The following DOCK2 variants were observed in gnomAD, a reference collection of about 807,000 sequenced individuals.
DOCK2 encodes dedicator of cytokinesis protein 2.
A neutral mutation model predicts 248.9 loss-of-function variants in DOCK2; 87 were observed. The observed-to-expected ratio is 0.35, with a 90% CI of 0.29 to 0.42. The LOEUF (loss-of-function observed/expected upper bound fraction) is 0.42, where lower values mean the gene tolerates loss of function less well. Ranked by LOEUF, DOCK2 falls within the 10% of genes least tolerant of loss-of-function variation. The pLI is 1.00. For synonymous variants in DOCK2, 805 were observed against 821.6 expected (o/e 0.98, Z 0.35); for missense variants, 1,747 against 2,300.2 (o/e 0.76, Z 4.92).
intron 27 of DOCK2, chr5:169,881,217 A>G: frequency 1.5e-6 from 1 of 656,180 alleles, no homozygotes; most frequent in East Asian, 2.8e-5. Flanking sequence ...AAACAAAGCA[A>G]TCCCTGCCTT....
At chr5:169,800,944 C>CTTTTCTTT (rs1766930509) in intron 25 of DOCK2, among the ~76,000 whole-genome samples, 1 of 53,194 alleles carries the variant, frequency 1.9e-5, no homozygotes, top group Non-Finnish European at 2.9e-5. Context: ...TTCTTTCTTT[C>CTTTTCTTT]TTTTTTTTTT....
At chr5:169,867,358 G>A (rs186065255) in intron 27 of DOCK2, among the ~76,000 whole-genome samples, 5 of 152,294 alleles carry the variant, frequency 3.3e-5, no homozygotes, top group Non-Finnish European at 7.4e-5. Context: ...ACAAAAGATT[G>A]TAACAAGGGC....
intron 22 of DOCK2, among the ~76,000 whole-genome samples, chr5:169,730,222 G>A (rs1301410364): frequency 6.6e-6 from 1 of 152,220 alleles, no homozygotes; most frequent in African/African-American, 2.4e-5. Flanking sequence ...CTCCCAAAGT[G>A]CTGGGATTAC....
At chr5:169,939,955 T>C (rs1038810621) in intron 27 of DOCK2, among the ~76,000 whole-genome samples, 10 of 152,216 alleles carry the variant, frequency 6.6e-5, no homozygotes, top group Non-Finnish European at 1.5e-4. Flanking sequence ...TTAAGTGTCT[T>C]GCTTAAGGAT....
chr5:169,656,831 C>G (rs772735166), intron 2 of DOCK2, among the ~76,000 whole-genome samples: 2 of 152,230 alleles, frequency 1.3e-5, no homozygotes, highest in Admixed American at 6.5e-5. Context: ...GTACCTTTCC[C>G]TGGCCTGGTG....
At chr5:169,901,449 A>C (rs1773918689) in intron 27 of DOCK2, among the ~76,000 whole-genome samples, 2 of 152,096 alleles carry the variant, frequency 1.3e-5, no homozygotes, top group Admixed American at 6.6e-5. Context: ...GCATGCGTGC[A>C]TGTGTGTGTA....
chr5:169,670,684 G>T (rs2113288553), intron 4 of DOCK2, 87 bp downstream of exon 4: 1 of 1,492,852 alleles, frequency 6.7e-7, no homozygotes, highest in Middle Eastern at 1.8e-4. Flanking sequence ...ACTTGGAAGA[G>T]CTGAGGGTTG....
chr5:169,795,815 G>A (rs2113092040), intron 25 of DOCK2, among the ~76,000 whole-genome samples: 1 of 152,286 alleles, frequency 6.6e-6, no homozygotes, highest in African/African-American at 2.4e-5. Flanking sequence ...GGTCAGCCCT[G>A]CCTGGGAGAA....
At chr5:169,904,174 G>A (rs112266973) in intron 27 of DOCK2, among the ~76,000 whole-genome samples, 8 of 151,850 alleles carry the variant, frequency 5.3e-5, no homozygotes, top group African/African-American at 1.9e-4. Context: ...TACTTTCTTG[G>A]GTAAAAGCAG....
At chr5:169,812,786 T>G (rs916081079) in intron 26 of DOCK2, among the ~76,000 whole-genome samples, 1 of 152,240 alleles carries the variant, frequency 6.6e-6, no homozygotes, top group East Asian at 1.9e-4. Context: ...AACATCCCTA[T>G]AATTCTTTTA....
In DOCK2 at chr5:170,081,967, C is replaced by A. The variant is rs770172055; in HGVS notation, c.5413C>A (p.Gln1805Lys). Residue 1805 changes from glutamine (Q) to lysine (K), a missense_variant, in exon 51 of 52, where the codon CAG (glutamine) becomes AAG (lysine). Physicochemically the swap from Gln to Lys is moderately conservative, Grantham distance 53 (BLOSUM62 1). Around this residue, in one of 4 missense-constraint regions of DOCK2, gnomAD observed 513 missense variants for 586.1 expected, o/e 0.88. Coordinates refer to ENST00000520908, the MANE Select transcript of DOCK2 (RefSeq NM_004946.3). ...KKTLTRKKVNQFFKTMLASKS... is the reference protein window; with the variant it reads ...KKTLTRKKVNKFFKTMLASKS... Reference sequence around the variant, plus strand: ...GACACTCACACGGAAGAAGGTCAATCAGTTCTTCAAGACAATGGTGAGGAC... The same window carrying A: ...GACACTCACACGGAAGAAGGTCAATAAGTTCTTCAAGACAATGGTGAGGAC... 6.2e-7 allele frequency: 1 copy of A among 1,613,948 alleles called. No homozygotes were observed. Among genetic ancestry groups the A allele is most frequent in the Admixed American group, 1.7e-5 (1 of 60,010 alleles).
chr5:170,024,851 G>C (rs1222145926), intron 33 of DOCK2, among the ~76,000 whole-genome samples: 2 of 152,142 alleles, frequency 1.3e-5, no homozygotes, highest in Non-Finnish European at 2.9e-5. Flanking sequence ...CTCAGGCATG[G>C]TGGTATGGTA....
chr5:170,003,314 C>T (rs1754907193), intron 30 of DOCK2, among the ~76,000 whole-genome samples: 1 of 152,212 alleles, frequency 6.6e-6, no homozygotes, highest in Admixed American at 6.5e-5. Context: ...CCAAAGGCAA[C>T]CCAGCTAATA....
At chr5:169,654,377 T>G (rs778300082) in intron 1 of DOCK2, 26 bp from the exon 2 acceptor site, 3 of 1,613,508 alleles carry the variant, frequency 1.9e-6, no homozygotes, top group Non-Finnish European at 2.5e-6. Flanking sequence ...AGGTCTCACC[T>G]AGCTGTCTTT....
intron 22 of DOCK2, among the ~76,000 whole-genome samples, chr5:169,747,105 G>A (rs1018662351): frequency 6.6e-6 from 1 of 152,144 alleles, no homozygotes; most frequent in Middle Eastern, 3.2e-3. Context: ...AATTATTAAT[G>A]TCTCCTCAGC....
At chr5:169,849,594 T>C (rs1459753569) in intron 27 of DOCK2, among the ~76,000 whole-genome samples, 1 of 152,252 alleles carries the variant, frequency 6.6e-6, no homozygotes, top group Non-Finnish European at 1.5e-5. Flanking sequence ...GACAATGATA[T>C]GTTTAGGATT....
At chr5:170,045,734 CT>C in intron 38 of DOCK2, 81 bp from the exon 39 acceptor site, 1 of 1,350,550 alleles carries the variant, frequency 7.4e-7, no homozygotes, top group Non-Finnish European at 1.1e-6. Flanking sequence ...GGAAGCACAG[CT>C]ACGCCTGAGT....
At chr5:170,008,460 C>A (rs73312346) in intron 30 of DOCK2, 37 bp from the exon 31 acceptor site, 2 of 1,609,166 alleles carry the variant, frequency 1.2e-6, no homozygotes, top group South Asian at 1.1e-5. Context: ...CCGCTTCAGA[C>A]CCTCTCCATA....
At chr5:169,940,019 C>A (rs1181217710) in intron 27 of DOCK2, among the ~76,000 whole-genome samples, 3 of 152,232 alleles carry the variant, frequency 2.0e-5, no homozygotes, top group Non-Finnish European at 4.4e-5. Context: ...CAAACCCCAA[C>A]ACCTCCCATT....
Sources: gnomAD v4.1 joint callset for allele counts (sites outside exome capture counted in the v4.1 genomes callset) on GRCh38, gnomAD v4.1.1 for gene constraint, gnomAD v4.1.1 regional missense constraint, MANE v1.5 for transcripts, NCBI Gene and HGNC (gene_info 2026-07-23, HGNC 2026-07-21) for gene names.